MYO9B: variants seen among roughly 807,000 people sequenced by gnomAD.
The protein encoded by MYO9B is myosin IXB.
Under a neutral mutation model 229.5 loss-of-function variants are expected in MYO9B, and 71 were observed. The ratio of observed to expected loss-of-function variants is 0.31; its 90% CI spans 0.26 to 0.38. The LOEUF (loss-of-function observed/expected upper bound fraction) is 0.38. MYO9B is among the 10% of genes least tolerant of loss of function. MYO9B has a pLI of 1.00. For missense variants in MYO9B, 2,255 were observed against 2,920.5 expected (o/e 0.77, Z 5.25); for synonymous variants, 1,185 against 1,235.8 (o/e 0.96, Z 0.86).
chr19:17,117,174 G>A (rs907512373), intron 2 of MYO9B, among the ~76,000 whole-genome samples: 1 of 152,144 alleles, frequency 6.6e-6, no homozygotes, highest in East Asian at 1.9e-4. Flanking sequence ...TCTGTCTATC[G>A]GCGATGTCAG....
intron 2 of MYO9B, among the ~76,000 whole-genome samples, chr19:17,116,176 G>A (rs776454223): frequency 2.0e-5 from 3 of 152,160 alleles, no homozygotes; most frequent in Non-Finnish European, 2.9e-5. Flanking sequence ...GCTGCCTCCT[G>A]GGCTCTGAGA....
chr19:17,212,747 T>G lies in MYO9B; in HGVS notation c.*437T>G. On this transcript the variant is annotated 3_prime_UTR_variant, in exon 40 of 40. Transcript: ENST00000682292. This position sits in a 1 kb window ranked among gnomAD's most constrained non-coding sequence, Gnocchi z 5.4. Reference sequence around the variant, plus strand: ...CGTGAGCTGTCAGAGCAGAAGCCACTAGGCCACTGCGCGTCTGAGGCTCAG... The same window carrying G: ...CGTGAGCTGTCAGAGCAGAAGCCACGAGGCCACTGCGCGTCTGAGGCTCAG... 1 of 158,248 alleles carries G rather than the reference T, an allele frequency of 6.3e-6. No individual in the cohort carries two copies. The highest frequency in any genetic ancestry group is 1.4e-5 in the Non-Finnish European group (1 of 72,024). The allele number at this position is 158,248 out of a possible 1,614,324, so 9.8% of individuals were successfully genotyped here. A position where few individuals can be genotyped will look rare whatever the true frequency, so the allele number is the denominator to read the frequency against.
intron 1 of MYO9B, among the ~76,000 whole-genome samples, chr19:17,087,770 A>G (rs1463000305): frequency 6.6e-6 from 1 of 152,106 alleles, no homozygotes. Context: ...TCTCTAGTAA[A>G]TACAAAAAAA....
Position 17,203,155 on chromosome 19 carries a change from G to T in MYO9B, c.4887G>T (p.Glu1629Asp). 1 of 1,570,538 alleles carries T rather than the reference G, an allele frequency of 6.4e-7. No individual in the cohort carries two copies. The highest frequency in any genetic ancestry group is 8.6e-7 in the Non-Finnish European group (1 of 1,157,822). Reference protein sequence around the residue: ...KKRKQERAVQEHNGHVFASYQ... With the variant: ...KKRKQERAVQDHNGHVFASYQ... ...TTCCTCTGGCCTCACAGGTCCAGGA[G>T]CACAACGGGCACGTGTTCGCCAGCT... The change falls in exon 30 of 40, where the codon GAG (glutamate) becomes GAT (aspartate). Residue 1629 changes from glutamate (E) to aspartate (D), a missense_variant. Physicochemically the swap from Glu to Asp is conservative, Grantham distance 45. Transcript: ENST00000682292.
At chr19:17,146,793 G>A (rs2072416555) in intron 3 of MYO9B, among the ~76,000 whole-genome samples, 1 of 152,118 alleles carries the variant, frequency 6.6e-6, no homozygotes, top group Admixed American at 6.5e-5. Flanking sequence ...CATCTGAGAG[G>A]GTCCAAGGCC....
At chr19:17,162,083 A>G (rs2072609298) in intron 8 of MYO9B, among the ~76,000 whole-genome samples, 1 of 151,972 alleles carries the variant, frequency 6.6e-6, no homozygotes, top group Non-Finnish European at 1.5e-5. Flanking sequence ...AGGCAGGCAG[A>G]TCACCTGAGG....
intron 32 of MYO9B, 23 bp from the exon 33 acceptor site, chr19:17,206,225 G>GGGGCCCCCCC: frequency 9.6e-6 from 15 of 1,564,640 alleles, no homozygotes; most frequent in South Asian, 2.3e-5. Flanking sequence ...CCGCTCACCA[G>GGGGCCCCCCC]ACCCACCCCA....
At chr19:17,157,190 T>G (rs542831762) in intron 7 of MYO9B, 152 bp downstream of exon 7, 3 of 963,234 alleles carry the variant, frequency 3.1e-6, no homozygotes, top group African/African-American at 3.3e-5. Context: ...ACAGTGTTCC[T>G]TCCTCATTTC....
chr19:17,193,055 C>T lies in MYO9B; in HGVS notation c.3121C>T (p.Arg1041Cys), dbSNP rs1251682146. The T allele has an allele frequency of 1.4e-5, 20 of 1,456,198 alleles. No individual in the cohort carries two copies. The highest frequency in any genetic ancestry group is 9.9e-5 in the East Asian group (4 of 40,262). 90.2% of individuals were successfully genotyped at this position (1,456,198 alleles called of 1,614,324 possible). Residue 1041 changes from arginine (R) to cysteine (C), a missense_variant, in exon 21 of 40, where the codon CGC becomes TGC. Arg to Cys is a radical substitution (Grantham distance 180). Transcript: ENST00000682292. This position sits in a 1 kb window ranked among gnomAD's most constrained non-coding sequence, Gnocchi z 4.3. ...LQSLCRGHLQRKSFSQMISEK... is the reference protein window; with the variant it reads ...LQSLCRGHLQCKSFSQMISEK... ...GAGCCTGTGTCGGGGGCACCTGCAG[C>T]GCAAGAGGTGAGCAGAGCCGGGCCA... is the stretch of plus-strand genomic sequence containing the variant.
At position 17,198,205 on chromosome 19, in the gene MYO9B, G is replaced by A. The variant is rs201695872; in HGVS notation, c.4135G>A (p.Gly1379Arg). 252 of 1,613,852 alleles carry A rather than the reference G, an allele frequency of 1.6e-4. 1 individual carries two copies. Among genetic ancestry groups the A allele is most frequent in the Admixed American group, 3.2e-4 (19 of 60,006 alleles). ...GCAGCCTGCAGCAGAAACCACGGAC[G>A]GAGAGCGAAGTGCGAAAAAGCCAGC... ...KAQPAAETTDGERSAKKPAVQ... is the reference protein window; with the variant it reads ...KAQPAAETTDRERSAKKPAVQ... The change falls in exon 24 of 40, where the codon GGA becomes AGA. Residue 1379 changes from glycine to arginine, a missense_variant. Gly to Arg is a moderately radical substitution (Grantham distance 125). Coordinates refer to ENST00000682292, the MANE Select transcript of MYO9B (RefSeq NM_004145.4).
chr19:17,107,826 A>G (rs2057806684), intron 2 of MYO9B, among the ~76,000 whole-genome samples: 1 of 152,048 alleles, frequency 6.6e-6, no homozygotes, highest in Non-Finnish European at 1.5e-5. Flanking sequence ...CATCCTACCT[A>G]ATTGCATTTG....
Position 17,207,212 on chromosome 19 carries a change from G to A in MYO9B, c.5592G>A (p.Leu1864=). ...GCTGCCCTGACAACTCGGACCCGCT[G>A]ACCAGCATGAAGGACGTCCTCAAGA... The part of the protein sequence containing the change: ...LLRCPDNSDP[L]TSMKDVLKIT... Residue 1864 remains leucine, a synonymous_variant, in exon 35 of 40, where the codon CTG becomes CTA. Coordinates refer to ENST00000682292, the MANE Select transcript of MYO9B (RefSeq NM_004145.4). 6.2e-7 allele frequency: 1 copy of A among 1,600,352 alleles called. No homozygotes were observed. Among genetic ancestry groups the A allele is most frequent in the Non-Finnish European group, 8.5e-7 (1 of 1,174,590 alleles).
At chr19:17,184,560 C>T (rs151171501) in intron 16 of MYO9B, 194 of 315,816 alleles carry the variant, frequency 6.1e-4, no homozygotes, top group African/African-American at 3.4e-3. Flanking sequence ...AGGAGAGGGA[C>T]GGCCAGGTTC....
In MYO9B at chr19:17,123,466, G is replaced by T. The variant is rs530984159; in HGVS notation, c.840+20909G>T. Among the ~76,000 whole-genome samples, 29 of 150,906 alleles carry T rather than the reference G, an allele frequency of 1.9e-4. No homozygotes were observed. The South Asian group carries it at 6.0e-3, about 31-fold the overall frequency. On this transcript the variant is annotated intron_variant, in intron 2 of 39. Coordinates refer to ENST00000682292, the MANE Select transcript of MYO9B (RefSeq NM_004145.4). ...TGTGTGTGTGTGTGTGTGTGATGGA[G>T]TTTCACTCTTGTCACCCAGGCTGGA... is the stretch of plus-strand genomic sequence containing the variant.
intron 2 of MYO9B, among the ~76,000 whole-genome samples, chr19:17,139,104 G>A (rs933338340): frequency 7.9e-5 from 12 of 152,312 alleles, no homozygotes; most frequent in Admixed American, 4.6e-4. Context: ...CTGAACCTGG[G>A]AGGTGGAGGT....
Position 17,212,618 on chromosome 19 carries a change from C to T in MYO9B, c.*308C>T, listed in dbSNP as rs971529020. 1.0e-4 allele frequency: 38 copies of T among 380,926 alleles called. No individual in the cohort carries two copies. Among genetic ancestry groups the T allele is most frequent in the East Asian group, 9.8e-4 (23 of 23,416 alleles). The allele number at this position is 380,926 out of a possible 1,614,324, so 23.6% of individuals were successfully genotyped here. On this transcript the variant is annotated 3_prime_UTR_variant, in exon 40 of 40. Transcript: ENST00000682292. The surrounding 1 kb of genome is among the most constrained non-coding windows in gnomAD (Gnocchi z 5.4). The stretch of plus-strand genomic sequence containing the variant: ...TAACTGTTTCTTTGTACGTGGTTTA[C>T]GTAACTTTAAACTGTAACAGCCTTA...
intron 35 of MYO9B, 22 bp downstream of exon 35, chr19:17,207,266 G>C (rs1311847309): frequency 1.0e-5 from 16 of 1,585,896 alleles, no homozygotes; most frequent in Non-Finnish European, 1.4e-5. Context: ...CCCTGCCCCG[G>C]AGGCATGCTC....
intron 1 of MYO9B, among the ~76,000 whole-genome samples, chr19:17,078,522 A>G (rs1362060642): frequency 6.6e-6 from 1 of 152,200 alleles, no homozygotes; most frequent in Non-Finnish European, 1.5e-5. Flanking sequence ...TCTGGGTGAC[A>G]GAGCAAGATG....
In MYO9B at chr19:17,116,656, T is replaced by C. The variant is rs546813997; in HGVS notation, c.840+14099T>C. 1.8e-4 allele frequency among the ~76,000 whole-genome samples: 28 copies of C among 151,998 alleles called. No homozygotes were observed. In the South Asian group the frequency reaches 5.8e-3, roughly 32 times the overall value. On this transcript the variant is annotated intron_variant, in intron 2 of 39. Transcript: ENST00000682292. ...AGAGCACAGAGAGCAGCAGGCGCTG[T>C]GAGGGGCAGCCTGGGTGGGAAAGAG... is the stretch of plus-strand genomic sequence containing the variant.
Sources: gnomAD v4.1 joint callset for allele counts (sites outside exome capture counted in the v4.1 genomes callset) on GRCh38, gnomAD v4.1.1 for gene constraint, Gnocchi (gnomAD v3.1) non-coding constraint, MANE v1.5 for transcripts, NCBI Gene and HGNC (gene_info 2026-07-23, HGNC 2026-07-21) for gene names.